The following GABRB1 variants were observed in gnomAD, a reference collection of about 807,000 sequenced individuals.
GABRB1 encodes gamma-aminobutyric acid type A receptor subunit beta1.
GABRB1 carries 17 observed loss-of-function variants against 51.6 expected under a neutral mutation model. The ratio of observed to expected loss-of-function variants is 0.33; its 90% CI spans 0.23 to 0.49. GABRB1 has a LOEUF of 0.49. Ranked by LOEUF, GABRB1 falls within the 20% of genes least tolerant of loss-of-function variation. GABRB1 has a pLI of 0.99. For missense variants in GABRB1, 410 were observed against 600.6 expected (o/e 0.68, Z 3.32); for synonymous variants, 247 against 218.9 (o/e 1.13, Z -1.14).
intron 5 of GABRB1, among the ~76,000 whole-genome samples, chr4:47,328,806 T>C (rs1440515946): frequency 1.3e-5 from 2 of 151,784 alleles, no homozygotes; most frequent in Non-Finnish European, 2.9e-5. Flanking sequence ...TTTGGAGATA[T>C]ACCTAATGTT....
At chr4:47,406,305 G>A (rs1004859489) in intron 7 of GABRB1, among the ~76,000 whole-genome samples, 1 of 152,190 alleles carries the variant, frequency 6.6e-6, no homozygotes, top group Non-Finnish European at 1.5e-5. Context: ...AGATTTAGGA[G>A]CACAGTGAAT....
intron 4 of GABRB1, among the ~76,000 whole-genome samples, chr4:47,266,596 C>T (rs77859305): frequency 4.4e-4 from 67 of 152,202 alleles, no homozygotes; most frequent in African/African-American, 1.6e-3. Flanking sequence ...TTGAGAGTTC[C>T]TCGTGGAATT....
At chr4:47,418,621 A>C (rs1291331932) in intron 8 of GABRB1, among the ~76,000 whole-genome samples, 1 of 152,194 alleles carries the variant, frequency 6.6e-6, no homozygotes, top group Non-Finnish European at 1.5e-5. Context: ...CACTATACCC[A>C]ATGTATTTAT....
intron 5 of GABRB1, among the ~76,000 whole-genome samples, chr4:47,349,337 G>A (rs1022790711): frequency 6.6e-6 from 1 of 152,120 alleles, no homozygotes; most frequent in South Asian, 2.1e-4. Flanking sequence ...AAAGAAAGAA[G>A]GAACAGCCAG....
intron 4 of GABRB1, among the ~76,000 whole-genome samples, chr4:47,296,019 G>C (rs980310406): frequency 6.6e-6 from 1 of 152,008 alleles, no homozygotes; most frequent in African/African-American, 2.4e-5. Context: ...AGCTTCATAA[G>C]TGAAGGAGAA....
chr4:46,994,321 A>G (rs3762607), intron 1 of GABRB1: 12,969 of 151,946 alleles, frequency 0.085, 637 homozygotes, highest in South Asian at 0.19. Flanking sequence ...AGAGGTGGAG[A>G]CAAGCGACCT....
At chr4:47,269,088 T>C (rs1240995776) in intron 4 of GABRB1, among the ~76,000 whole-genome samples, 9 of 152,222 alleles carry the variant, frequency 5.9e-5, no homozygotes, top group Non-Finnish European at 1.3e-4. Flanking sequence ...TTGGTCTGAA[T>C]TTAAGCACTG....
chr4:47,347,589 T>C (rs1251998056), intron 5 of GABRB1, among the ~76,000 whole-genome samples: 1 of 152,024 alleles, frequency 6.6e-6, no homozygotes, highest in African/African-American at 2.4e-5. Context: ...TGTTAAGTAA[T>C]GCTGATGAAC....
chr4:47,044,598 T>A (rs1389383725), intron 3 of GABRB1, among the ~76,000 whole-genome samples: 10 of 152,076 alleles, frequency 6.6e-5, no homozygotes, highest in Admixed American at 3.9e-4. Context: ...CTGGTGTAAG[T>A]TATGTGTAAA....
intron 4 of GABRB1, among the ~76,000 whole-genome samples, chr4:47,268,797 C>A (rs1005563802): frequency 6.6e-6 from 1 of 152,036 alleles, no homozygotes; most frequent in African/African-American, 2.4e-5. Flanking sequence ...TTCTACTGGG[C>A]AAATTTTATA....
At chr4:47,032,706 T>C in intron 3 of GABRB1, 1 of 709,844 alleles carries the variant, frequency 1.4e-6, no homozygotes, top group Admixed American at 2.0e-5. Flanking sequence ...TGCTCGGCAC[T>C]ATTTTGGGAA....
intron 3 of GABRB1, among the ~76,000 whole-genome samples, chr4:47,066,891 A>T (rs1229647029): frequency 6.6e-6 from 1 of 152,186 alleles, no homozygotes; most frequent in Non-Finnish European, 1.5e-5. Flanking sequence ...GAAGGTTTTC[A>T]ATTTACTTTT....
intron 4 of GABRB1, among the ~76,000 whole-genome samples, chr4:47,305,865 G>A (rs925369478): frequency 2.0e-5 from 3 of 152,106 alleles, no homozygotes; most frequent in Non-Finnish European, 4.4e-5. Context: ...CCAGTTCAAA[G>A]CAACATTTAA....
intron 5 of GABRB1, among the ~76,000 whole-genome samples, chr4:47,376,934 T>C (rs1293360868): frequency 6.6e-6 from 1 of 152,228 alleles, no homozygotes; most frequent in African/African-American, 2.4e-5. Flanking sequence ...GAATGTTTCT[T>C]TTCTCCTCAG....
upstream of GABRB1, among the ~76,000 whole-genome samples, chr4:47,027,327 T>C (rs1483690651): frequency 6.6e-6 from 1 of 151,570 alleles, no homozygotes; most frequent in Non-Finnish European, 1.5e-5. Context: ...AATTGCAATA[T>C]GAATTTTTAA....
At chr4:47,060,230 T>C (rs1560515811) in intron 3 of GABRB1, among the ~76,000 whole-genome samples, 2 of 152,204 alleles carry the variant, frequency 1.3e-5, no homozygotes, top group South Asian at 2.1e-4. Context: ...GGTGACAATC[T>C]ATAAACCTTA....
chr4:47,359,378 C>A (rs143633810), intron 5 of GABRB1, among the ~76,000 whole-genome samples: 3 of 152,228 alleles, frequency 2.0e-5, no homozygotes, highest in East Asian at 3.9e-4. Flanking sequence ...GCAGTGAAAT[C>A]ATCTTGAATT....
intron 4 of GABRB1, among the ~76,000 whole-genome samples, chr4:47,270,670 G>A (rs1003853958): frequency 2.6e-5 from 4 of 152,188 alleles, no homozygotes; most frequent in African/African-American, 9.6e-5. Context: ...TCAGCTAGCT[G>A]AAATGTTTCC....
chr4:47,344,587 T>C (rs993921282), intron 5 of GABRB1, among the ~76,000 whole-genome samples: 1 of 152,192 alleles, frequency 6.6e-6, no homozygotes, highest in East Asian at 1.9e-4. Flanking sequence ...CATTCAGCAA[T>C]GAATATCAAC....
Sources: allele counts gnomAD v4.1 joint callset (sites outside exome capture counted in the v4.1 genomes callset), GRCh38; gene constraint gnomAD v4.1.1; transcripts MANE v1.5; gene names NCBI Gene and HGNC (gene_info 2026-07-23, HGNC 2026-07-21).